RANBP2: variants seen among roughly 807,000 people sequenced by gnomAD.
The protein encoded by RANBP2 is E3 SUMO-protein ligase RanBP2.
In RANBP2, 57 loss-of-function variants were observed where a neutral mutation model predicts 303.6. The ratio of observed to expected loss-of-function variants is 0.19; its 90% CI spans 0.15 to 0.23. RANBP2 has a LOEUF of 0.23. Ranked by LOEUF, RANBP2 falls within the 10% of genes least tolerant of loss-of-function variation. The pLI is 1.00. For synonymous variants in RANBP2, 1,167 were observed against 1,301.5 expected (o/e 0.90, Z 2.23); for missense variants, 3,138 against 3,780.8 (o/e 0.83, Z 4.46).
At chr2:108,991,720 G>T in the RANBP2 span, among the ~76,000 whole-genome samples, 1,089 of 152,334 alleles carry the variant, frequency 7.1e-3, 9 homozygotes, top group South Asian at 0.028. Context: ...AAAACACTCA[G>T]GGGTTGGTAA....
the RANBP2 span, among the ~76,000 whole-genome samples, chr2:109,116,647 C>T: frequency 0.53 from 81,067 of 152,078 alleles, 22,571 homozygotes; most frequent in South Asian, 0.65. Flanking sequence ...AGTCATTCTC[C>T]GTCCAGCTTT....
At chr2:109,144,208 C>T in the RANBP2 span, among the ~76,000 whole-genome samples, 480 of 152,250 alleles carry the variant, frequency 3.2e-3, 2 homozygotes, top group African/African-American at 0.011. Flanking sequence ...TTCATGACAC[C>T]ACGAAGGTAA....
At chr2:109,283,400 G>C in the RANBP2 span, among the ~76,000 whole-genome samples, 1 of 152,318 alleles carries the variant, frequency 6.6e-6, no homozygotes, top group East Asian at 1.9e-4. Flanking sequence ...GAGTGTTTTG[G>C]TGGCCAGTAT....
At chr2:108,984,586 C>T in the RANBP2 span, among the ~76,000 whole-genome samples, 1 of 152,144 alleles carries the variant, frequency 6.6e-6, no homozygotes, top group African/African-American at 2.4e-5. Flanking sequence ...TGTCCTGGTT[C>T]ACTCCCTCAC....
At chr2:108,794,484 A>G in the RANBP2 span, 1 of 1,472,608 alleles carries the variant, frequency 6.8e-7, no homozygotes, top group South Asian at 1.3e-5. Context: ...TACTCTGAGA[A>G]TATTTGAAAC....
chr2:109,355,627 C>G, the RANBP2 span, among the ~76,000 whole-genome samples: 6 of 152,284 alleles, frequency 3.9e-5, no homozygotes, highest in East Asian at 7.7e-4. Context: ...CTGTATGCTC[C>G]CTTCAGCGTG....
chr2:109,470,067 G>A, the RANBP2 span, among the ~76,000 whole-genome samples: 29 of 152,208 alleles, frequency 1.9e-4, no homozygotes, highest in Non-Finnish European at 4.1e-4. Flanking sequence ...GCCCGTTCTG[G>A]TGGTGGGCAA....
chr2:109,212,393 C>T, the RANBP2 span, among the ~76,000 whole-genome samples: 81 of 152,204 alleles, frequency 5.3e-4, 7 homozygotes, highest in African/African-American at 2.4e-5. Context: ...CTATAAATCC[C>T]AACTTGGACA....
the RANBP2 span, among the ~76,000 whole-genome samples, chr2:109,524,164 C>T: frequency 6.6e-6 from 1 of 152,188 alleles, no homozygotes. Context: ...GCAGGACACT[C>T]CCTCCATTGC....
the RANBP2 span, among the ~76,000 whole-genome samples, chr2:109,268,752 A>ATC: frequency 6.6e-6 from 1 of 151,816 alleles, no homozygotes; most frequent in African/African-American, 2.4e-5. Flanking sequence ...TAAAAAAAAA[A>ATC]AGGCTTTGAG....
At chr2:109,431,737 G>A in the RANBP2 span, among the ~76,000 whole-genome samples, 29 of 152,288 alleles carry the variant, frequency 1.9e-4, 1 homozygote, top group African/African-American at 5.5e-4. Flanking sequence ...CCAGCATGGC[G>A]GTGCACACCT....
At chr2:108,964,724 G>C in the RANBP2 span, among the ~76,000 whole-genome samples, 1 of 152,178 alleles carries the variant, frequency 6.6e-6, no homozygotes, top group Non-Finnish European at 1.5e-5. Context: ...CACACTCTCC[G>C]TTACGCCACA....
chr2:109,599,423 A>G, the RANBP2 span, among the ~76,000 whole-genome samples: 1 of 147,434 alleles, frequency 6.8e-6, no homozygotes, highest in Non-Finnish European at 1.5e-5. Flanking sequence ...GTGCCACTGC[A>G]CTCCAGCCTG....
At chr2:109,080,665 C>A in the RANBP2 span, among the ~76,000 whole-genome samples, 1 of 152,198 alleles carries the variant, frequency 6.6e-6, no homozygotes, top group Admixed American at 6.5e-5. Flanking sequence ...TATATTTTAT[C>A]ATTTCTTTAT....
At chr2:108,930,250 C>A in the RANBP2 span, 1 of 1,614,090 alleles carries the variant, frequency 6.2e-7, no homozygotes, top group Admixed American at 1.7e-5. Context: ...CACCTGCCAA[C>A]AAAGGGGGGT....
the RANBP2 span, among the ~76,000 whole-genome samples, chr2:109,579,318 T>G: frequency 1.3e-5 from 2 of 152,128 alleles, no homozygotes; most frequent in Non-Finnish European, 2.9e-5. Flanking sequence ...ACTGATTTTT[T>G]TTATTGGTTA....
chr2:109,129,605 G>A, the RANBP2 span: 1 of 1,481,440 alleles, frequency 6.8e-7, no homozygotes, highest in Non-Finnish European at 8.9e-7. Flanking sequence ...CAGAGCGAGG[G>A]CGACGAGGAC....
chr2:109,042,783 T>C, the RANBP2 span, among the ~76,000 whole-genome samples: 2 of 152,218 alleles, frequency 1.3e-5, no homozygotes, highest in African/African-American at 4.8e-5. Flanking sequence ...ACCATTGTGA[T>C]CATAAGTTTA....
chr2:109,339,632 C>T, the RANBP2 span, among the ~76,000 whole-genome samples: 2 of 152,282 alleles, frequency 1.3e-5, no homozygotes, highest in East Asian at 1.9e-4. Context: ...CCTTTGTTCC[C>T]TGGGAGGGAT....
Sources: gnomAD v4.1 joint callset for allele counts (sites outside exome capture counted in the v4.1 genomes callset) on GRCh38, gnomAD v4.1.1 for gene constraint, MANE v1.5 for transcripts, NCBI Gene and HGNC (gene_info 2026-07-23, HGNC 2026-07-21) for gene names.